Variants in MB21D2 observed in about 807,000 individuals in gnomAD.
The protein encoded by MB21D2 is Mab-21 domain containing 2.
A neutral mutation model predicts 33.3 loss-of-function variants in MB21D2; 9 were observed. The observed-to-expected ratio is 0.27, with a 90% CI of 0.16 to 0.47. MB21D2 has a LOEUF of 0.47. Among genes scored for constraint, MB21D2 ranks in the 20% least tolerant of loss-of-function variants. The probability of loss-of-function intolerance (pLI) is 0.99; values close to 1 mark genes in which losing one functional copy is unlikely to be tolerated. For synonymous variants in MB21D2, 241 were observed against 236.3 expected (o/e 1.02, Z -0.18); for missense variants, 540 against 624.6 (o/e 0.86, Z 1.44).
intron 1 of MB21D2, among the ~76,000 whole-genome samples, chr3:192,848,035 T>C (rs1343326813): frequency 6.6e-6 from 1 of 152,218 alleles, no homozygotes; most frequent in African/African-American, 2.4e-5. Context: ...TGGCAGCTTG[T>C]TTACATTTTC....
chr3:192,879,655 A>G (rs936850775), intron 1 of MB21D2, among the ~76,000 whole-genome samples: 4 of 152,254 alleles, frequency 2.6e-5, no homozygotes, highest in Non-Finnish European at 4.4e-5. Context: ...TATCCGTTGG[A>G]GGCCAAAGAA....
intron 1 of MB21D2, among the ~76,000 whole-genome samples, chr3:192,849,177 C>T (rs1219992956): frequency 6.6e-6 from 1 of 152,182 alleles, no homozygotes; most frequent in East Asian, 1.9e-4. Flanking sequence ...TCCCACCACT[C>T]CGTGCTCCCA....
At chr3:192,873,848 G>A (rs1425315869) in intron 1 of MB21D2, among the ~76,000 whole-genome samples, 2 of 152,020 alleles carry the variant, frequency 1.3e-5, no homozygotes, top group East Asian at 1.9e-4. Context: ...GACTATAGGC[G>A]CACACCACCA....
At chr3:192,857,267 T>C (rs1337128819) in intron 1 of MB21D2, among the ~76,000 whole-genome samples, 1 of 152,202 alleles carries the variant, frequency 6.6e-6, no homozygotes, top group East Asian at 1.9e-4. Context: ...GGAGAAGAGA[T>C]ATTCTGAAAT....
intron 1 of MB21D2, among the ~76,000 whole-genome samples, chr3:192,857,765 G>T (rs1158680592): frequency 6.6e-6 from 1 of 152,142 alleles, no homozygotes; most frequent in Non-Finnish European, 1.5e-5. Flanking sequence ...TGGGACAAAG[G>T]TGGAAACATG....
chr3:192,908,252 C>G (rs1185535588), intron 1 of MB21D2, among the ~76,000 whole-genome samples: 1 of 152,134 alleles, frequency 6.6e-6, no homozygotes, highest in Non-Finnish European at 1.5e-5. Context: ...TCACATCACA[C>G]TTAGTGAGCA....
At position 192,917,813 on chromosome 3, in the gene MB21D2, T is replaced by C. The variant is rs1418119110; in HGVS notation, c.28A>G (p.Lys10Glu). 13 of 1,611,100 alleles carry C rather than the reference T, an allele frequency of 8.1e-6. No individual in the cohort carries two copies. The highest frequency in any genetic ancestry group is 1.1e-5 in the South Asian group (1 of 90,938). Reference protein sequence around the residue: MKMAAPTANKAASLGCNNKP... With the variant: MKMAAPTANEAASLGCNNKP... ...TTGTTACAGCCCAGGGAGGCTGCCT[T>C]GTTGGCGGTGGGAGCCGCCATCTTC... Residue 10 changes from lysine (K) to glutamate (E), a missense_variant, in exon 1 of 2, where the codon AAG becomes GAG. Lys to Glu is a moderately conservative substitution (Grantham distance 56). Transcript: ENST00000392452.
chr3:192,863,232 C>T (rs1713088272), intron 1 of MB21D2, among the ~76,000 whole-genome samples: 2 of 152,198 alleles, frequency 1.3e-5, no homozygotes, highest in Admixed American at 1.3e-4. Flanking sequence ...CTAAAGCCTT[C>T]AGAGGGAGCA....
At chr3:192,800,122 G>T (rs1711523312) in intron 1 of MB21D2, among the ~76,000 whole-genome samples, 2 of 152,088 alleles carry the variant, frequency 1.3e-5, no homozygotes, top group South Asian at 4.1e-4. Context: ...TGCCTAAGCG[G>T]TTTTCTTTCC....
chr3:192,799,311 A>G lies in MB21D2; in HGVS notation c.551T>C (p.Val184Ala). 6.2e-7 allele frequency: 1 copy of G among 1,614,264 alleles called. No individual in the cohort carries two copies. Among genetic ancestry groups the G allele is most frequent in the Non-Finnish European group, 8.5e-7 (1 of 1,180,054 alleles). The change falls in exon 2 of 2, where the codon GTG (valine) becomes GCG (alanine). Residue 184 changes from valine to alanine, a missense_variant. Physicochemically the swap from Val to Ala is moderately conservative, Grantham distance 64 (BLOSUM62 0). Coordinates refer to ENST00000392452, the MANE Select transcript of MB21D2 (RefSeq NM_178496.4). The surrounding 1 kb of genome is among the most constrained non-coding windows in gnomAD (Gnocchi z 4.1). ...GATAGAGTCATAGAACCAGTCAGCC[A>G]CTTTGGTAGGTGAGAAGAAGTAGTT... ...ATNYFFSPTK[V>A]ADWFYDSISI...
chr3:192,832,530 G>A (rs911103339), intron 1 of MB21D2, among the ~76,000 whole-genome samples: 16 of 152,198 alleles, frequency 1.1e-4, no homozygotes, highest in African/African-American at 2.7e-4. Context: ...GGTGGGTCAC[G>A]CCTGTAATCC....
Position 192,798,707 on chromosome 3 carries a change from C to T in MB21D2, c.1155G>A (p.Leu385=), listed in dbSNP as rs200651961. 1.1e-5 allele frequency: 18 copies of T among 1,613,384 alleles called. No homozygotes were observed. The East Asian group carries it at 4.0e-4, about 36-fold the overall frequency. Reference sequence around the variant, plus strand: ...TGACTGTCTCCTCAGACAGATGTTCCAGCATGTTGCACTGAGGGATGAAAT... The same window carrying T: ...TGACTGTCTCCTCAGACAGATGTTCTAGCATGTTGCACTGAGGGATGAAAT... ...PNYFIPQCNM[L]EHLSEETVML... is the part of the protein sequence containing the mutation. Residue 385 remains leucine (L), a synonymous_variant, in exon 2 of 2, where the codon CTG becomes CTA. Coordinates refer to ENST00000392452, the MANE Select transcript of MB21D2 (RefSeq NM_178496.4). This position sits in a 1 kb window ranked among gnomAD's most constrained non-coding sequence, Gnocchi z 4.8.
chr3:192,898,781 A>G, intron 1 of MB21D2, among the ~76,000 whole-genome samples: 1 of 152,370 alleles, frequency 6.6e-6, no homozygotes, highest in South Asian at 2.1e-4. Flanking sequence ...GAAACCTGTG[A>G]CGCTAGAAGG....
intron 1 of MB21D2, among the ~76,000 whole-genome samples, chr3:192,869,315 A>G (rs1250680696): frequency 1.4e-4 from 18 of 126,892 alleles, no homozygotes; most frequent in African/African-American, 3.3e-4. Context: ...GGAAGGAGGG[A>G]AGGAGGGAAA....
At chr3:192,873,910 G>A (rs1348494976) in intron 1 of MB21D2, among the ~76,000 whole-genome samples, 1 of 152,078 alleles carries the variant, frequency 6.6e-6, no homozygotes, top group Admixed American at 6.5e-5. Flanking sequence ...CCATTCACCA[G>A]GCGAGTCTCG....
chr3:192,906,647 A>G (rs949324730), intron 1 of MB21D2, among the ~76,000 whole-genome samples: 2 of 152,100 alleles, frequency 1.3e-5, no homozygotes, highest in African/African-American at 4.8e-5. Context: ...CCATCATCAT[A>G]TTCTTTGCTT....
At chr3:192,899,570 T>C (rs1714049639) in intron 1 of MB21D2, among the ~76,000 whole-genome samples, 1 of 151,938 alleles carries the variant, frequency 6.6e-6, no homozygotes, top group African/African-American at 2.4e-5. Flanking sequence ...CCATAATGGG[T>C]TCAGGCGTAC....
At chr3:192,878,970 A>T (rs541831025) in intron 1 of MB21D2, among the ~76,000 whole-genome samples, 2 of 152,174 alleles carry the variant, frequency 1.3e-5, no homozygotes, top group Non-Finnish European at 2.9e-5. Flanking sequence ...TCTCTCAAAA[A>T]AAGAAGAAGA....
At chr3:192,853,028 G>GTC (rs10541418) in intron 1 of MB21D2, among the ~76,000 whole-genome samples, 3,862 of 148,420 alleles carry the variant, frequency 0.026, 62 homozygotes, top group Non-Finnish European at 0.035. Flanking sequence ...ATCTCTCTCT[G>GTC]TCTCTCTCTC....
Sources: allele counts gnomAD v4.1 joint callset (sites outside exome capture counted in the v4.1 genomes callset), GRCh38; gene constraint gnomAD v4.1.1; non-coding constraint Gnocchi (gnomAD v3.1); transcripts MANE v1.5; gene names NCBI Gene and HGNC (gene_info 2026-07-23, HGNC 2026-07-21).